RCOR1: variants seen among roughly 807,000 people sequenced by gnomAD.
The protein encoded by RCOR1 is REST corepressor.
Under a neutral mutation model 64.0 loss-of-function variants are expected in RCOR1, and 12 were observed. That is an observed-to-expected ratio of 0.19 (90% confidence interval 0.12 to 0.30). RCOR1 has a LOEUF of 0.30. Among genes scored for constraint, RCOR1 ranks in the 10% least tolerant of loss-of-function variants. The pLI is 1.00. For missense variants in RCOR1, 502 were observed against 621.2 expected (o/e 0.81, Z 2.04); for synonymous variants, 279 against 227.2 (o/e 1.23, Z -2.05).
intron 2 of RCOR1, among the ~76,000 whole-genome samples, chr14:102,607,921 C>T (rs966643792): frequency 6.6e-6 from 1 of 151,556 alleles, no homozygotes; most frequent in Non-Finnish European, 1.5e-5. Context: ...CCAGGTGTGG[C>T]GGTGCACGCC....
At chr14:102,668,930 G>T (rs1894973924) in intron 2 of RCOR1, among the ~76,000 whole-genome samples, 1 of 152,156 alleles carries the variant, frequency 6.6e-6, no homozygotes, top group African/African-American at 2.4e-5. Flanking sequence ...ATTCCAGAGA[G>T]CTGGTGATTG....
rs1896272626 is a variant in RCOR1, at chr14:102,726,742, G to GA, written c.*238dup. ...TCTCACACTCTGCCCACGTGCTGGG[G>GA]AAGTCTCACGGCCTGCACATCTCTT... is the stretch of plus-strand genomic sequence containing the variant. On this transcript the variant is annotated 3_prime_UTR_variant, in exon 12 of 12. Transcript: ENST00000262241. 1.2e-5 allele frequency: 6 copies of GA among 516,794 alleles called. No individual in the cohort carries two copies. The South Asian group carries it at 1.6e-4, about 14-fold the overall frequency. The allele number at this position is 516,794 out of a possible 1,614,324, so 32.0% of individuals were successfully genotyped here.
In RCOR1 at chr14:102,592,787, CCCGGCCCCGCG is replaced by C. The variant is rs1214257653; in HGVS notation, c.-86_-76del. ...CGCCCGTGGGCTCCCGCCGCGCCCG[CCCGGCCCCGCG>C]CCGGCCCCGCGCCCCCTCCCCCGTC... is the stretch of plus-strand genomic sequence containing the variant. On this transcript the variant is annotated 5_prime_UTR_variant, in exon 1 of 12. Coordinates refer to ENST00000262241, the MANE Select transcript of RCOR1 (RefSeq NM_015156.4). 1.3e-3 allele frequency: 1,517 copies of C among 1,193,654 alleles called. 5 individuals are homozygous for C. Among genetic ancestry groups the C allele is most frequent in the Admixed American group, 1.8e-3 (41 of 22,278 alleles). The allele number at this position is 1,193,654 out of a possible 1,614,324, so 73.9% of individuals were successfully genotyped here. A position where few individuals can be genotyped will look rare whatever the true frequency, so the allele number is the denominator to read the frequency against.
chr14:102,715,030 C>G (rs1595243524), intron 8 of RCOR1, among the ~76,000 whole-genome samples: 1 of 151,374 alleles, frequency 6.6e-6, no homozygotes, highest in Non-Finnish European at 1.5e-5. Flanking sequence ...CTCCACCCCT[C>G]TTTTATTACC....
At position 102,593,093 on chromosome 14, in the gene RCOR1, G is replaced by C. The variant is rs773900797; in HGVS notation, c.207G>C (p.Gln69His). Reference sequence around the variant, plus strand: ...CCGCCGCCGCCCCCAATAATGGCCAGAATAAAAGTTTGGCGGCGGCGGCGC... The same window carrying C: ...CCGCCGCCGCCCCCAATAATGGCCACAATAAAAGTTTGGCGGCGGCGGCGC... ...ASAAAAPNNG[Q>H]NKSLAAAAPN... is the part of the protein sequence containing the mutation. Residue 69 changes from glutamine to histidine, a missense_variant, in exon 1 of 12, where the codon CAG becomes CAC. Coordinates refer to ENST00000262241, the MANE Select transcript of RCOR1 (RefSeq NM_015156.4). 2.0e-6 allele frequency: 3 copies of C among 1,491,766 alleles called. No individual in the cohort carries two copies. The East Asian group carries it at 8.8e-5, about 44-fold the overall frequency. 92.4% of individuals were successfully genotyped at this position (1,491,766 alleles called of 1,614,324 possible).
At chr14:102,684,464 A>G (rs991241312) in intron 3 of RCOR1, among the ~76,000 whole-genome samples, 2 of 152,170 alleles carry the variant, frequency 1.3e-5, no homozygotes, top group African/African-American at 4.8e-5. Flanking sequence ...TAACCGAGTA[A>G]ACACGGAGCA....
chr14:102,614,054 C>T (rs1893694724), intron 2 of RCOR1, among the ~76,000 whole-genome samples: 1 of 151,764 alleles, frequency 6.6e-6, no homozygotes, highest in African/African-American at 2.4e-5. Flanking sequence ...TGCCACTACA[C>T]CCGGCTGATT....
intron 3 of RCOR1, among the ~76,000 whole-genome samples, chr14:102,691,308 A>G (rs1236928271): frequency 7.1e-6 from 1 of 140,848 alleles, no homozygotes; most frequent in African/African-American, 2.8e-5. Context: ...ACTGGGGACT[A>G]CCTAGGATGG....
chr14:102,641,928 T>A (rs1259123179), intron 2 of RCOR1, among the ~76,000 whole-genome samples: 1 of 152,158 alleles, frequency 6.6e-6, no homozygotes, highest in Non-Finnish European at 1.5e-5. Context: ...TGTAGCTTCA[T>A]AGGGAAATCA....
intron 2 of RCOR1, among the ~76,000 whole-genome samples, chr14:102,647,883 T>C (rs192133297): frequency 2.6e-5 from 4 of 151,146 alleles, no homozygotes; most frequent in African/African-American, 9.7e-5. Context: ...TTTGCCATGT[T>C]GACCAGGCTG....
At chr14:102,617,762 G>C (rs1893791674) in intron 2 of RCOR1, among the ~76,000 whole-genome samples, 3 of 151,520 alleles carry the variant, frequency 2.0e-5, no homozygotes, top group Admixed American at 2.0e-4. Flanking sequence ...GCTAATTTTT[G>C]TATTTTTAGT....
rs1434180305 is a variant in RCOR1 at position 102,676,493 on chromosome 14, A to G, written c.362-5402A>G. Among the ~76,000 whole-genome samples the G allele has an allele frequency of 1.4e-3, 45 of 33,134 alleles. 1 individual carries two copies. Among genetic ancestry groups the G allele is most frequent in the Admixed American group, 2.6e-3 (9 of 3,464 alleles). 21.7% of individuals were successfully genotyped at this position (33,134 alleles called of 152,430 possible). A position where few individuals can be genotyped will look rare whatever the true frequency, so the allele number is the denominator to read the frequency against. ...TGACCCCCCCACCTCCCTCCCGGACAGGGCGGCTGGCCGACCCCCCCCCAC... is the reference window on the plus strand; with the variant it reads ...TGACCCCCCCACCTCCCTCCCGGACGGGGCGGCTGGCCGACCCCCCCCCAC... On this transcript the variant is annotated intron_variant, in intron 2 of 11. Coordinates refer to ENST00000262241, the MANE Select transcript of RCOR1 (RefSeq NM_015156.4).
At chr14:102,649,244 T>C (rs1378621089) in intron 2 of RCOR1, among the ~76,000 whole-genome samples, 2 of 152,162 alleles carry the variant, frequency 1.3e-5, no homozygotes, top group Non-Finnish European at 2.9e-5. Context: ...GATTCAGCTA[T>C]GAATAGTATT....
rs1008735161 is a variant in RCOR1 at position 102,727,764 on chromosome 14, A to G, written c.*1258A>G. ...GTGGTCTGTAATGCCTTTTGGTTGGACTGGGAACAAGTAAAAATTTCTAAT... is the reference window on the plus strand; with the variant it reads ...GTGGTCTGTAATGCCTTTTGGTTGGGCTGGGAACAAGTAAAAATTTCTAAT... On this transcript the variant is annotated 3_prime_UTR_variant, in exon 12 of 12. Coordinates refer to ENST00000262241, the MANE Select transcript of RCOR1 (RefSeq NM_015156.4). 6.6e-6 allele frequency: 1 copy of G among 152,086 alleles called. No individual in the cohort carries two copies. Among genetic ancestry groups the G allele is most frequent in the Non-Finnish European group, 1.5e-5 (1 of 68,012 alleles). 9.4% of individuals were successfully genotyped at this position (152,086 alleles called of 1,614,324 possible). A position where few individuals can be genotyped will look rare whatever the true frequency, so the allele number is the denominator to read the frequency against.
At chr14:102,685,248 T>C (rs1276082526) in intron 3 of RCOR1, among the ~76,000 whole-genome samples, 6 of 152,324 alleles carry the variant, frequency 3.9e-5, no homozygotes, top group African/African-American at 1.2e-4. Flanking sequence ...TGAACTGTTA[T>C]CAGTCTGCTC....
intron 2 of RCOR1, among the ~76,000 whole-genome samples, chr14:102,594,734 C>T (rs569680380): frequency 6.6e-6 from 1 of 151,296 alleles, no homozygotes; most frequent in East Asian, 1.9e-4. Flanking sequence ...GGCTATATCT[C>T]TTGTATGCTT....
At chr14:102,681,111 T>A (rs118068580) in intron 2 of RCOR1, among the ~76,000 whole-genome samples, 10,116 of 152,264 alleles carry the variant, frequency 0.066, 462 homozygotes, top group Middle Eastern at 0.13. Flanking sequence ...GTTTCCTAGA[T>A]TTTTGTTTAT....
intron 10 of RCOR1, chr14:102,721,580 A>G (rs1896171461): frequency 2.6e-6 from 1 of 390,030 alleles, no homozygotes; most frequent in Non-Finnish European, 4.5e-6. Flanking sequence ...TTTTAATGGA[A>G]AAAAAAGAGC....
chr14:102,633,632 C>T (rs972460638), intron 2 of RCOR1, among the ~76,000 whole-genome samples: 6 of 152,124 alleles, frequency 3.9e-5, no homozygotes, highest in East Asian at 3.8e-4. Flanking sequence ...TTCTGCCTCC[C>T]GCATTGAAGC....
Sources: allele counts gnomAD v4.1 joint callset (sites outside exome capture counted in the v4.1 genomes callset), GRCh38; gene constraint gnomAD v4.1.1; transcripts MANE v1.5; gene names NCBI Gene and HGNC (gene_info 2026-07-23, HGNC 2026-07-21).